Variants in ASTN2 observed in about 807,000 individuals in gnomAD.
ASTN2 encodes astrotactin 2, also known as astrotactin-2.
ASTN2 carries 54 observed loss-of-function variants against 139.8 expected under a neutral mutation model. That is an observed-to-expected ratio of 0.39 (90% CI 0.31 to 0.48). The LOEUF (loss-of-function observed/expected upper bound fraction) is 0.48. ASTN2 is among the 20% of genes least tolerant of loss of function. ASTN2 has a pLI of 0.95. For missense variants in ASTN2, 1,565 were observed against 1,725.1 expected, an observed-to-expected ratio of 0.91 and a Z score of 1.64; for synonymous variants, 756 against 719.5, an observed-to-expected ratio of 1.05 and a Z score of -0.81.
At position 116,921,357 on chromosome 9, in the gene ASTN2, G is replaced by A. The variant is rs907064816; in HGVS notation, c.1889+53851C>T. ...TAATTCCAGCACTTTGGGAGGCTGAGGCGGGCGGATCACATGGTCAGGAGA... is the reference window on the plus strand; with the variant it reads ...TAATTCCAGCACTTTGGGAGGCTGAAGCGGGCGGATCACATGGTCAGGAGA... On this transcript the variant is annotated intron_variant, in intron 10 of 22. Coordinates refer to ENST00000313400, the MANE Select transcript of ASTN2 (RefSeq NM_001365068.1). 5.3e-4 allele frequency among the ~76,000 whole-genome samples: 81 copies of A among 152,218 alleles called. 1 individual carries two copies. The highest frequency in any genetic ancestry group is 1.9e-3 in the African/African-American group (78 of 41,552).
At chr9:116,493,337 C>T (rs1849575163) in intron 19 of ASTN2, among the ~76,000 whole-genome samples, 1 of 152,166 alleles carries the variant, frequency 6.6e-6, no homozygotes, top group African/African-American at 2.4e-5. Context: ...CTCTAACATT[C>T]TTTTCCTGTT....
At chr9:117,327,695 C>T (rs1106099) in intron 1 of ASTN2, among the ~76,000 whole-genome samples, 10,369 of 152,226 alleles carry the variant, frequency 0.068, 507 homozygotes, top group Non-Finnish European at 0.098. Flanking sequence ...GAAACCGATG[C>T]AGAAGTCCCT....
Position 116,440,800 on chromosome 9 carries a change from G to T in ASTN2, c.3599-8C>A. The T allele has an allele frequency of 6.2e-7, 1 of 1,610,200 alleles. No individual in the cohort carries two copies. The highest frequency in any genetic ancestry group is 8.5e-7 in the Non-Finnish European group (1 of 1,176,972). ...AGATCTTGTCAGCTATTTCTGAGAG[G>T]GCAGAAGGGCAGAAACAGATCACTG... is the stretch of plus-strand genomic sequence containing the variant. On this transcript the variant is annotated splice_polypyrimidine_tract_variant and splice_region_variant and intron_variant, in intron 21 of 22. Transcript: ENST00000313400.
At chr9:116,858,378 A>C (rs1316322854) in intron 11 of ASTN2, among the ~76,000 whole-genome samples, 1 of 152,332 alleles carries the variant, frequency 6.6e-6, no homozygotes, top group East Asian at 1.9e-4. Flanking sequence ...TGGGTTAATC[A>C]AAAGGCTTCC....
chr9:116,662,019 G>GA (rs954285609), intron 16 of ASTN2, among the ~76,000 whole-genome samples: 8 of 149,030 alleles, frequency 5.4e-5, no homozygotes, highest in East Asian at 2.0e-4. Flanking sequence ...AAAAAAAAAA[G>GA]AAAAAAATAT....
intron 16 of ASTN2, among the ~76,000 whole-genome samples, chr9:116,677,088 G>C (rs1410846543): frequency 6.6e-6 from 1 of 152,190 alleles, no homozygotes; most frequent in Non-Finnish European, 1.5e-5. Flanking sequence ...TTAATTAAAA[G>C]TGGATAAACA....
chr9:117,300,788 G>A (rs1159131650), intron 1 of ASTN2, among the ~76,000 whole-genome samples: 1 of 152,192 alleles, frequency 6.6e-6, no homozygotes, highest in Non-Finnish European at 1.5e-5. Context: ...TCTGGCAGCA[G>A]CTGGAGAACA....
chr9:116,474,892 G>A (rs1848928589), intron 20 of ASTN2, among the ~76,000 whole-genome samples: 1 of 152,154 alleles, frequency 6.6e-6, no homozygotes, highest in Non-Finnish European at 1.5e-5. Flanking sequence ...TGAACTAACT[G>A]GGTACTTTGT....
At chr9:117,322,477 T>C (rs1828362035) in intron 1 of ASTN2, among the ~76,000 whole-genome samples, 1 of 152,158 alleles carries the variant, frequency 6.6e-6, no homozygotes, top group South Asian at 2.1e-4. Flanking sequence ...GAGTAATTCG[T>C]TCCCAGAGAG....
intron 16 of ASTN2, among the ~76,000 whole-genome samples, chr9:116,693,909 C>G (rs1353655793): frequency 2.6e-5 from 4 of 152,284 alleles, no homozygotes; most frequent in Middle Eastern, 3.4e-3. Context: ...ATCTGCCTGT[C>G]TCTTAGCTCC....
rs886184864 is a variant in ASTN2 at position 116,816,259 on chromosome 9, A to G, written c.2207+4358T>C. 2.0e-5 allele frequency among the ~76,000 whole-genome samples: 3 copies of G among 152,218 alleles called. No homozygotes were observed. The East Asian group carries it at 5.8e-4, about 29-fold the overall frequency. On this transcript the variant is annotated intron_variant, in intron 12 of 22. Coordinates refer to ENST00000313400, the MANE Select transcript of ASTN2 (RefSeq NM_001365068.1). Reference sequence around the variant, plus strand: ...AACAGACAAACTTTGTTGCTAGGTAACTTGCCAAGGTCTTCACAGGAGGTG... The same window carrying G: ...AACAGACAAACTTTGTTGCTAGGTAGCTTGCCAAGGTCTTCACAGGAGGTG...
chr9:117,045,995 T>TAC (rs1402092655), intron 5 of ASTN2, among the ~76,000 whole-genome samples: 4 of 122,762 alleles, frequency 3.3e-5, no homozygotes, highest in African/African-American at 1.0e-4. Flanking sequence ...TACGTACGTA[T>TAC]GTATGTATGT....
intron 10 of ASTN2, among the ~76,000 whole-genome samples, chr9:116,937,112 C>G (rs1004542882): frequency 1.3e-5 from 2 of 152,188 alleles, no homozygotes; most frequent in Non-Finnish European, 2.9e-5. Flanking sequence ...CCCCTTCTAT[C>G]CATCTTTCAT....
intron 19 of ASTN2, among the ~76,000 whole-genome samples, chr9:116,518,943 C>G (rs866849864): frequency 1.3e-5 from 2 of 152,058 alleles, no homozygotes; most frequent in South Asian, 2.1e-4. Flanking sequence ...ACTGGACCAA[C>G]AGGAAAATAT....
intron 10 of ASTN2, among the ~76,000 whole-genome samples, chr9:116,896,088 G>A (rs548131031): frequency 4.6e-5 from 7 of 152,284 alleles, no homozygotes; most frequent in South Asian, 2.1e-4. Flanking sequence ...TTATTCATAA[G>A]TGTATTCTAT....
At chr9:117,020,695 G>A (rs961123458) in intron 6 of ASTN2, among the ~76,000 whole-genome samples, 6 of 152,098 alleles carry the variant, frequency 3.9e-5, no homozygotes, top group Admixed American at 2.6e-4. Context: ...GGGCATGCTG[G>A]TGTCTCATCT....
chr9:116,666,366 T>C (rs1333431957), intron 16 of ASTN2, among the ~76,000 whole-genome samples: 1 of 152,224 alleles, frequency 6.6e-6, no homozygotes, highest in Non-Finnish European at 1.5e-5. Flanking sequence ...TATCTTATCA[T>C]TGCAATGTAC....
At chr9:116,454,627 T>C (rs1848272127) in intron 20 of ASTN2, among the ~76,000 whole-genome samples, 1 of 152,176 alleles carries the variant, frequency 6.6e-6, no homozygotes, top group African/African-American at 2.4e-5. Flanking sequence ...TAGCAAAGAC[T>C]TGCAACCAAC....
intron 1 of ASTN2, among the ~76,000 whole-genome samples, chr9:117,315,211 T>C (rs1828105483): frequency 6.6e-6 from 1 of 152,158 alleles, no homozygotes; most frequent in Non-Finnish European, 1.5e-5. Flanking sequence ...TAAAATATTA[T>C]ACAAGGTATT....
Sources: gnomAD v4.1 joint callset for allele counts (sites outside exome capture counted in the v4.1 genomes callset) on GRCh38, gnomAD v4.1.1 for gene constraint, MANE v1.5 for transcripts, NCBI Gene and HGNC (gene_info 2026-07-23, HGNC 2026-07-21) for gene names.